The following KIAA1217 variants were observed in gnomAD, a reference collection of about 807,000 sequenced individuals.
The protein encoded by KIAA1217 is KIAA1217, also known as sickle tail protein homolog.
In KIAA1217, 88 loss-of-function variants were observed where a neutral mutation model predicts 163.9. That is an observed-to-expected ratio of 0.54 (90% CI 0.45 to 0.64). The LOEUF (loss-of-function observed/expected upper bound fraction) is 0.64. Among genes scored for constraint, KIAA1217 ranks in the 30% least tolerant of loss-of-function variants. KIAA1217 has a pLI of 0.00. For missense variants in KIAA1217, 2,372 were observed against 2,475.0 expected (o/e 0.96, Z 0.88); for synonymous variants, 903 against 923.1 (o/e 0.98, Z 0.39).
chr10:24,484,769 A>G (rs77776124), intron 6 of KIAA1217, among the ~76,000 whole-genome samples: 8,261 of 152,204 alleles, frequency 0.054, 316 homozygotes, highest in Middle Eastern at 0.088. Flanking sequence ...TAGCTATTAG[A>G]TCACTTTGTG....
At chr10:24,529,490 T>TTA (rs754240362) in intron 14 of KIAA1217, among the ~76,000 whole-genome samples, 259 of 150,674 alleles carry the variant, frequency 1.7e-3, no homozygotes, top group South Asian at 7.6e-3. Context: ...TGGAGGGAAT[T>TTA]TATATATATA....
chr10:23,819,308 T>C (rs373147745), intron 1 of KIAA1217, among the ~76,000 whole-genome samples: 1 of 152,152 alleles, frequency 6.6e-6, no homozygotes, highest in African/African-American at 2.4e-5. Context: ...GTTTGGGTCC[T>C]CCAAGAGGTC....
intron 2 of KIAA1217, among the ~76,000 whole-genome samples, chr10:24,345,184 C>T (rs1409486798): frequency 1.3e-5 from 2 of 152,152 alleles, no homozygotes; most frequent in Non-Finnish European, 2.9e-5. Flanking sequence ...TGAAAATGAA[C>T]TTCATTTTCC....
At chr10:23,913,440 C>T (rs1842516710) in intron 1 of KIAA1217, among the ~76,000 whole-genome samples, 1 of 151,218 alleles carries the variant, frequency 6.6e-6, no homozygotes, top group Non-Finnish European at 1.5e-5. Flanking sequence ...AAAAGATGCT[C>T]TCCTTTTTTG....
At chr10:23,828,067 T>C (rs1247890986) in intron 1 of KIAA1217, among the ~76,000 whole-genome samples, 1 of 152,248 alleles carries the variant, frequency 6.6e-6, no homozygotes, top group African/African-American at 2.4e-5. Context: ...TTAACGCTTA[T>C]TGATTTTCTG....
chr10:24,201,891 AC>A (rs1423619596), intron 2 of KIAA1217, among the ~76,000 whole-genome samples: 1 of 151,444 alleles, frequency 6.6e-6, no homozygotes, highest in Non-Finnish European at 1.5e-5. Context: ...GAGTCTCTGG[AC>A]ACCCCTCTCG....
intron 6 of KIAA1217, among the ~76,000 whole-genome samples, chr10:24,488,448 C>T (rs1028005087): frequency 2.6e-5 from 4 of 152,194 alleles, no homozygotes; most frequent in Non-Finnish European, 4.4e-5. Flanking sequence ...AGTCTTCTTG[C>T]TCATGCCATA....
chr10:23,935,026 A>C (rs542863895), intron 1 of KIAA1217, among the ~76,000 whole-genome samples: 2 of 152,284 alleles, frequency 1.3e-5, no homozygotes, highest in East Asian at 3.9e-4. Flanking sequence ...GGTGGGGTTG[A>C]TGACTCCAAA....
At chr10:24,100,144 T>A (rs2062353503) in intron 2 of KIAA1217, among the ~76,000 whole-genome samples, 1 of 152,108 alleles carries the variant, frequency 6.6e-6, no homozygotes, top group Non-Finnish European at 1.5e-5. Flanking sequence ...TTTAGGGTTT[T>A]TTTTGTTTGT....
At chr10:23,926,711 C>A (rs1273468505) in intron 1 of KIAA1217, among the ~76,000 whole-genome samples, 1 of 126,080 alleles carries the variant, frequency 7.9e-6, no homozygotes, top group African/African-American at 3.3e-5. Context: ...GGTGACAGAG[C>A]AAGATTCTGT....
At chr10:23,839,820 T>C (rs955332403) in intron 1 of KIAA1217, among the ~76,000 whole-genome samples, 8 of 152,194 alleles carry the variant, frequency 5.3e-5, no homozygotes, top group African/African-American at 1.7e-4. Context: ...AATCTGTCTT[T>C]GTAGCCCAGA....
At chr10:23,888,563 G>A (rs893917952) in intron 1 of KIAA1217, among the ~76,000 whole-genome samples, 6 of 151,890 alleles carry the variant, frequency 4.0e-5, no homozygotes, top group African/African-American at 1.4e-4. Flanking sequence ...CCCAGGTAAT[G>A]TGCAAAGGGA....
Position 24,479,766 on chromosome 10 carries a change from GGGA to G in KIAA1217, c.1679+5708_1679+5710del, listed in dbSNP as rs546902635. 5.3e-5 allele frequency among the ~76,000 whole-genome samples: 8 copies of G among 152,334 alleles called. No individual in the cohort carries two copies. In the South Asian group the frequency reaches 1.7e-3, roughly 32 times the overall value. On this transcript the variant is annotated intron_variant, in intron 6 of 20. Transcript: ENST00000376454. ...ATCATAGCATGGCAGAGAAGGTCAA[GGGA>G]GAAGTGAACCCAGGCAAAGAGGGAG... is the stretch of plus-strand genomic sequence containing the variant.
At chr10:24,091,926 A>G (rs2061952616) in intron 2 of KIAA1217, among the ~76,000 whole-genome samples, 1 of 151,648 alleles carries the variant, frequency 6.6e-6, no homozygotes, top group Admixed American at 6.6e-5. Flanking sequence ...CCATCCCCTA[A>G]AAGATCACGT....
At chr10:23,800,696 G>A (rs191279211) in intron 1 of KIAA1217, among the ~76,000 whole-genome samples, 80 of 151,986 alleles carry the variant, frequency 5.3e-4, no homozygotes, top group African/African-American at 1.7e-3. Flanking sequence ...ATAGTGTGGC[G>A]TAATTAAAAA....
chr10:23,854,236 A>C (rs1324645668), intron 1 of KIAA1217, among the ~76,000 whole-genome samples: 9 of 152,140 alleles, frequency 5.9e-5, no homozygotes, highest in Admixed American at 5.9e-4. Context: ...TTGGTTTCAA[A>C]GAACATCTAT....
At chr10:24,121,253 A>G (rs1388275653) in intron 2 of KIAA1217, among the ~76,000 whole-genome samples, 4 of 152,190 alleles carry the variant, frequency 2.6e-5, no homozygotes, top group South Asian at 4.1e-4. Flanking sequence ...GTGGAAACAG[A>G]CATTGAGACT....
At chr10:23,792,103 A>G (rs944687583) in intron 1 of KIAA1217, among the ~76,000 whole-genome samples, 1 of 152,216 alleles carries the variant, frequency 6.6e-6, no homozygotes, top group African/African-American at 2.4e-5. Flanking sequence ...AAAGTCTCTC[A>G]TTAGGGTGAT....
intron 5 of KIAA1217, among the ~76,000 whole-genome samples, chr10:24,461,712 G>A (rs1261041509): frequency 2.0e-5 from 3 of 152,106 alleles, no homozygotes; most frequent in Non-Finnish European, 4.4e-5. Flanking sequence ...ATTTAGGTAT[G>A]TTATATCATC....
Sources: gnomAD v4.1 joint callset for allele counts (sites outside exome capture counted in the v4.1 genomes callset) on GRCh38, gnomAD v4.1.1 for gene constraint, MANE v1.5 for transcripts, NCBI Gene and HGNC (gene_info 2026-07-23, HGNC 2026-07-21) for gene names.